ERC1: variants seen among roughly 807,000 people sequenced by gnomAD.
ERC1 encodes ELKS/RAB6-interacting/CAST family member 1, also known as RAB6 interacting protein 2.
ERC1 carries 56 observed loss-of-function variants against 132.0 expected under a neutral mutation model. That is an observed-to-expected ratio of 0.42 (90% CI 0.34 to 0.53). The LOEUF (loss-of-function observed/expected upper bound fraction) is 0.53. Among genes scored for constraint, ERC1 ranks in the 20% least tolerant of loss-of-function variants. The probability of loss-of-function intolerance (pLI) is 0.03; values close to 1 mark genes in which losing one functional copy is unlikely to be tolerated. For missense variants in ERC1, 1,202 were observed against 1,349.9 expected, an observed-to-expected ratio of 0.89 and a Z score of 1.72; for synonymous variants, 478 against 476.1, an observed-to-expected ratio of 1.00 and a Z score of -0.05.
At chr12:1,320,247 C>T (rs2082020952) in intron 15 of ERC1, among the ~76,000 whole-genome samples, 1 of 152,176 alleles carries the variant, frequency 6.6e-6, no homozygotes, top group Non-Finnish European at 1.5e-5. Context: ...TGGGTCAAAA[C>T]ATAATGGCGT....
chr12:1,480,469 GATTACT>G (rs1326582319), intron 18 of ERC1, among the ~76,000 whole-genome samples: 10 of 152,112 alleles, frequency 6.6e-5, no homozygotes, highest in Admixed American at 6.6e-4. Flanking sequence ...GCAGTGGTGG[GATTACT>G]TGCCAGTATT....
intron 1 of ERC1, among the ~76,000 whole-genome samples, chr12:1,017,810 T>C (rs1447326690): frequency 6.6e-6 from 1 of 151,998 alleles, no homozygotes; most frequent in Non-Finnish European, 1.5e-5. Flanking sequence ...ATCTGGTATT[T>C]TTAAAAAACT....
chr12:1,388,345 CAAAA>C (rs34634557), intron 16 of ERC1, among the ~76,000 whole-genome samples: 977 of 85,098 alleles, frequency 0.011, 10 homozygotes, highest in African/African-American at 0.036. Flanking sequence ...GACTCTGTCT[CAAAA>C]AAAAAAAAAA....
In ERC1 at chr12:1,474,219, G is replaced by C. The variant is rs144930989; in HGVS notation, c.3214-15874G>C. 3.4e-3 allele frequency among the ~76,000 whole-genome samples: 512 copies of C among 152,282 alleles called. 4 individuals are homozygous for C. The highest frequency in any genetic ancestry group is 0.011 in the African/African-American group (477 of 41,564). On this transcript the variant is annotated intron_variant, in intron 18 of 18. Transcript: ENST00000360905. ...CCTCATGGCCTGTGACACATCCTGGGACTTAGCTGTTAGAACCTCAAGTTT... is the reference window on the plus strand; with the variant it reads ...CCTCATGGCCTGTGACACATCCTGGCACTTAGCTGTTAGAACCTCAAGTTT...
intron 14 of ERC1, among the ~76,000 whole-genome samples, chr12:1,265,426 T>A (rs2077415146): frequency 6.6e-6 from 1 of 152,218 alleles, no homozygotes; most frequent in African/African-American, 2.4e-5. Context: ...GTTAATAGAC[T>A]TCGCAGTTTT....
intron 16 of ERC1, among the ~76,000 whole-genome samples, chr12:1,389,815 C>G (rs2089785043): frequency 6.6e-6 from 1 of 152,180 alleles, no homozygotes; most frequent in African/African-American, 2.4e-5. Flanking sequence ...CCTATTAATT[C>G]CCGGGTATTT....
At chr12:1,122,241 GTCTCTA>G (rs1474785621) in intron 7 of ERC1, among the ~76,000 whole-genome samples, 7 of 12,094 alleles carry the variant, frequency 5.8e-4, no homozygotes, top group East Asian at 1.5e-3. Flanking sequence ...CTCTATCTGT[GTCTCTA>G]TCTCTATCTC....
chr12:1,236,627 G>A, intron 12 of ERC1, 142 bp from the exon 13 acceptor site: 2 of 748,314 alleles, frequency 2.7e-6, no homozygotes, highest in Non-Finnish European at 4.1e-6. Flanking sequence ...AACGAATTTG[G>A]AATTGTTGAA....
At chr12:1,180,051 T>C (rs1954233405) in intron 8 of ERC1, among the ~76,000 whole-genome samples, 1 of 152,154 alleles carries the variant, frequency 6.6e-6, no homozygotes, top group Non-Finnish European at 1.5e-5. Context: ...AAGAACACAG[T>C]CTTTTCTTTA....
At chr12:996,886 A>T (rs1212570677) in intron 1 of ERC1, among the ~76,000 whole-genome samples, 1 of 152,188 alleles carries the variant, frequency 6.6e-6, no homozygotes, top group East Asian at 1.9e-4. Flanking sequence ...CATATAAGAA[A>T]CATTTTATCT....
At chr12:1,024,929 G>A (rs1966841721) in intron 1 of ERC1, among the ~76,000 whole-genome samples, 1 of 150,744 alleles carries the variant, frequency 6.6e-6, no homozygotes, top group African/African-American at 2.4e-5. Context: ...GTATAACAAC[G>A]ATTTACATAG....
intron 15 of ERC1, among the ~76,000 whole-genome samples, chr12:1,331,430 T>C (rs1404217083): frequency 6.6e-6 from 1 of 152,206 alleles, no homozygotes; most frequent in African/African-American, 2.4e-5. Flanking sequence ...TCACTGTTGA[T>C]GGAGACAGAG....
intron 18 of ERC1, among the ~76,000 whole-genome samples, chr12:1,487,769 GAGGGAGGGAGGA>G (rs140882339): frequency 0.51 from 74,517 of 145,994 alleles, 20,739 homozygotes; most frequent in Middle Eastern, 0.65. Context: ...AGGAGGGAGG[GAGGGAGGGAGGA>G]AGGAAGAAAA....
In ERC1 at chr12:1,460,958, CTT is replaced by C. The variant is rs35505633; in HGVS notation, c.3213+16230_3213+16231del. Reference sequence around the variant, plus strand: ...GACTTGCCTAAACGATGAGGAGGCCCTTTTTTTTTTTTTTTTTTTTTTTCATT... The same window carrying C: ...GACTTGCCTAAACGATGAGGAGGCCCTTTTTTTTTTTTTTTTTTTTTCATT... On this transcript the variant is annotated intron_variant, in intron 18 of 18. Coordinates refer to ENST00000360905, the MANE Select transcript of ERC1 (RefSeq NM_178040.4). Among the ~76,000 whole-genome samples, 393 of 64,960 alleles carry C rather than the reference CTT, an allele frequency of 6.0e-3. 3 individuals carry two copies. The highest frequency in any genetic ancestry group is 0.021 in the African/African-American group (351 of 16,530). 42.6% of individuals were successfully genotyped at this position (64,960 alleles called of 152,430 possible).
At chr12:1,480,462 G>C (rs2094066493) in intron 18 of ERC1, among the ~76,000 whole-genome samples, 1 of 152,160 alleles carries the variant, frequency 6.6e-6, no homozygotes, top group African/African-American at 2.4e-5. Context: ...AATAGTTGCA[G>C]TGGTGGGATT....
At chr12:1,109,068 G>A (rs549165036) in intron 4 of ERC1, among the ~76,000 whole-genome samples, 2 of 152,296 alleles carry the variant, frequency 1.3e-5, no homozygotes, top group South Asian at 2.1e-4. Context: ...GCTCTTTAAG[G>A]TCTCTATTTC....
intron 17 of ERC1, among the ~76,000 whole-genome samples, chr12:1,433,012 C>T (rs758182096): frequency 1.4e-4 from 21 of 152,338 alleles, no homozygotes; most frequent in Admixed American, 5.2e-4. Flanking sequence ...GCCATAGCCA[C>T]GGGAGCTACA....
At chr12:1,460,047 G>A (rs2093615244) in intron 18 of ERC1, among the ~76,000 whole-genome samples, 1 of 152,186 alleles carries the variant, frequency 6.6e-6, no homozygotes, top group Admixed American at 6.5e-5. Context: ...AGGAATCCAG[G>A]TGAAATTTAT....
chr12:1,355,986 G>A (rs1471427327), intron 15 of ERC1, among the ~76,000 whole-genome samples: 8 of 152,082 alleles, frequency 5.3e-5, no homozygotes, highest in Non-Finnish European at 1.2e-4. Context: ...TGGGTGGATT[G>A]CTTGAGCTCA....
Sources: allele counts gnomAD v4.1 joint callset (sites outside exome capture counted in the v4.1 genomes callset), GRCh38; gene constraint gnomAD v4.1.1; transcripts MANE v1.5; gene names NCBI Gene and HGNC (gene_info 2026-07-23, HGNC 2026-07-21).